The following TENM4 variants were observed in gnomAD, a reference collection of about 807,000 sequenced individuals.
The protein encoded by TENM4 is teneurin-4.
TENM4 carries 82 observed loss-of-function variants against 243.3 expected under a neutral mutation model. The ratio of observed to expected loss-of-function variants is 0.34; its 90% CI spans 0.28 to 0.40. The LOEUF (loss-of-function observed/expected upper bound fraction) is 0.40. Ranked by LOEUF, TENM4 falls within the 10% of genes least tolerant of loss-of-function variation. The pLI, the probability that TENM4 is intolerant of heterozygous loss-of-function variation, is 1.00. For missense variants in TENM4, 3,138 were observed against 3,673.3 expected (o/e 0.85, Z 3.77); for synonymous variants, 1,412 against 1,456.3 (o/e 0.97, Z 0.69).
chr11:79,017,101 G>A (rs1858795952), intron 6 of TENM4, among the ~76,000 whole-genome samples: 1 of 152,236 alleles, frequency 6.6e-6, no homozygotes, highest in Non-Finnish European at 1.5e-5. Flanking sequence ...ATTGAGGTCA[G>A]GTGACGAGAA....
intron 3 of TENM4, among the ~76,000 whole-genome samples, chr11:79,161,098 A>G (rs1228985314): frequency 6.6e-6 from 1 of 152,236 alleles, no homozygotes; most frequent in African/African-American, 2.4e-5. Flanking sequence ...GAAGCCCTGA[A>G]GAACCTTGTG....
intron 2 of TENM4, among the ~76,000 whole-genome samples, chr11:79,252,109 C>CTT (rs1855621403): frequency 1.3e-5 from 2 of 152,282 alleles, no homozygotes; most frequent in East Asian, 3.9e-4. Context: ...TGTTGGTTTT[C>CTT]TTTTGCTTTC....
intron 3 of TENM4, among the ~76,000 whole-genome samples, chr11:79,182,667 ACTAT>A (rs1179795920): frequency 2.0e-5 from 3 of 152,210 alleles, no homozygotes; most frequent in African/African-American, 4.8e-5. Flanking sequence ...TTTGCAAAAG[ACTAT>A]CTAGTGAAGG....
chr11:79,187,182 G>A (rs1197441834), intron 3 of TENM4, among the ~76,000 whole-genome samples: 3 of 152,186 alleles, frequency 2.0e-5, no homozygotes, highest in African/African-American at 7.2e-5. Context: ...AACGACTTGA[G>A]CCTCATCTAT....
intron 15 of TENM4, among the ~76,000 whole-genome samples, chr11:78,798,540 C>T (rs1857212605): frequency 6.6e-6 from 1 of 152,190 alleles, no homozygotes; most frequent in South Asian, 2.1e-4. Flanking sequence ...GAAAGGGCAA[C>T]AGTCAATGTT....
At chr11:79,131,674 T>C (rs1256499095) in intron 4 of TENM4, among the ~76,000 whole-genome samples, 2 of 152,186 alleles carry the variant, frequency 1.3e-5, no homozygotes, top group African/African-American at 4.8e-5. Context: ...GCACGATGAA[T>C]GCAATGCTGT....
chr11:78,729,108 G>A (rs1307719611), intron 22 of TENM4, among the ~76,000 whole-genome samples: 1 of 152,166 alleles, frequency 6.6e-6, no homozygotes, highest in African/African-American at 2.4e-5. Flanking sequence ...TGTGGCACAT[G>A]ACCTCTTTTA....
intron 1 of TENM4, among the ~76,000 whole-genome samples, chr11:79,373,294 ATGGC>A (rs200276676): frequency 0.027 from 4,056 of 149,726 alleles, 170 homozygotes; most frequent in African/African-American, 0.088. Context: ...GGGTGGATAG[ATGGC>A]TGGCTGGCTG....
chr11:78,940,332 T>TTTTCA (rs1565135773), intron 6 of TENM4, among the ~76,000 whole-genome samples: 1 of 152,248 alleles, frequency 6.6e-6, no homozygotes, highest in Non-Finnish European at 1.5e-5. Context: ...ATCTAAGTCA[T>TTTTCA]TTTCAGTTTT....
intron 4 of TENM4, among the ~76,000 whole-genome samples, chr11:79,146,122 T>C (rs1183473369): frequency 7.2e-5 from 11 of 152,112 alleles, no homozygotes; most frequent in Admixed American, 7.2e-4. Flanking sequence ...TAAATGCTGA[T>C]CTTGAGCCAC....
intron 1 of TENM4, among the ~76,000 whole-genome samples, chr11:79,430,188 GA>G (rs796697145): frequency 0.02 from 1,729 of 86,472 alleles, 26 homozygotes; most frequent in African/African-American, 0.067. Flanking sequence ...TTCAACCTGC[GA>G]AAAAAAAAAA....
At chr11:79,063,488 T>C (rs1287749887) in intron 6 of TENM4, among the ~76,000 whole-genome samples, 2 of 152,170 alleles carry the variant, frequency 1.3e-5, no homozygotes, top group African/African-American at 2.4e-5. Context: ...TCCTCTTCAC[T>C]GGGCTTCCCA....
At chr11:79,203,510 T>G (rs1255489823) in intron 3 of TENM4, among the ~76,000 whole-genome samples, 1 of 152,236 alleles carries the variant, frequency 6.6e-6, no homozygotes, top group East Asian at 1.9e-4. Flanking sequence ...CTGTATATAC[T>G]ATGCTTTTTT....
At chr11:79,433,255 G>A (rs1048498026) in intron 1 of TENM4, among the ~76,000 whole-genome samples, 14 of 152,272 alleles carry the variant, frequency 9.2e-5, no homozygotes, top group South Asian at 4.1e-4. Flanking sequence ...GGGAGCTGGC[G>A]AAAAATGCAG....
intron 6 of TENM4, among the ~76,000 whole-genome samples, chr11:78,906,291 T>G (rs889999172): frequency 2.6e-5 from 4 of 152,210 alleles, no homozygotes; most frequent in African/African-American, 7.2e-5. Context: ...TCAGTTCTCA[T>G]AAACACAAAA....
At chr11:78,663,480 T>A (rs752892186) in intron 32 of TENM4, among the ~76,000 whole-genome samples, 5 of 152,168 alleles carry the variant, frequency 3.3e-5, no homozygotes, top group Non-Finnish European at 7.3e-5. Flanking sequence ...ATGAGTGAAT[T>A]CTTGCTCTAT....
chr11:79,293,420 T>C (rs1414054672), intron 2 of TENM4, among the ~76,000 whole-genome samples: 1 of 150,626 alleles, frequency 6.6e-6, no homozygotes, highest in African/African-American at 2.4e-5. Context: ...GGCAGGAAGA[T>C]CACTTGAGCC....
In TENM4 at chr11:78,812,214, T is replaced by C. The variant is rs1857515840; in HGVS notation, c.1886A>G (p.Gln629Arg). ...GTTGCTGCAGGCCACATCGATACAC[T>C]GGTTGGTGGGCACATCGCACTCAGC... The part of the protein sequence containing the change: ...KGAECDVPTN[Q>R]CIDVACSNHG... The change falls in exon 14 of 34, where the codon CAG (glutamine) becomes CGG (arginine). Residue 629 changes from glutamine (Q) to arginine (R), a missense_variant. By Grantham distance (43) the Gln-to-Arg change is conservative. Around this residue, in one of 2 missense-constraint regions of TENM4, gnomAD observed 2,467 missense variants for 3,059.1 expected, o/e 0.81. Coordinates refer to ENST00000278550, the MANE Select transcript of TENM4 (RefSeq NM_001098816.3). 3 of 1,551,912 alleles carry C rather than the reference T, an allele frequency of 1.9e-6. No individual in the cohort carries two copies. The highest frequency in any genetic ancestry group is 2.7e-5 in the African/African-American group (2 of 73,176).
chr11:78,957,966 CA>C (rs568549071), intron 6 of TENM4, among the ~76,000 whole-genome samples: 1 of 151,274 alleles, frequency 6.6e-6, no homozygotes, highest in South Asian at 2.1e-4. Context: ...TGAAACAAAA[CA>C]AAAAAAACAA....
Sources: gnomAD v4.1 joint callset for allele counts (sites outside exome capture counted in the v4.1 genomes callset) on GRCh38, gnomAD v4.1.1 for gene constraint, gnomAD v4.1.1 regional missense constraint, MANE v1.5 for transcripts, NCBI Gene and HGNC (gene_info 2026-07-23, HGNC 2026-07-21) for gene names.